Variants in GLIS1 observed in about 807,000 individuals in gnomAD.
GLIS1 encodes the protein zinc finger protein GLIS1.
Under a neutral mutation model 63.8 loss-of-function variants are expected in GLIS1, and 24 were observed. That is an observed-to-expected ratio of 0.38 (90% CI 0.27 to 0.53). The LOEUF (loss-of-function observed/expected upper bound fraction) is 0.53, where lower values mean the gene tolerates loss of function less well. GLIS1 is among the 20% of genes least tolerant of loss of function. The probability of loss-of-function intolerance (pLI) is 0.85; values close to 1 mark genes in which losing one functional copy is unlikely to be tolerated. For synonymous variants in GLIS1, 450 were observed against 482.5 expected (o/e 0.93, Z 0.88); for missense variants, 1,036 against 1,074.1 (o/e 0.96, Z 0.50).
intron 2 of GLIS1, among the ~76,000 whole-genome samples, chr1:53,711,416 A>C (rs1646645533): frequency 6.6e-6 from 1 of 152,228 alleles, no homozygotes; most frequent in South Asian, 2.1e-4. Flanking sequence ...GAAAAAAAGA[A>C]GGTAAAACTT....
chr1:53,668,266 C>T (rs1646115740), intron 2 of GLIS1, among the ~76,000 whole-genome samples: 1 of 152,220 alleles, frequency 6.6e-6, no homozygotes, highest in Non-Finnish European at 1.5e-5. Flanking sequence ...ACTCGTGCTC[C>T]ACATAGTAAC....
intron 2 of GLIS1, among the ~76,000 whole-genome samples, chr1:53,676,808 T>TC (rs142782693): frequency 0.054 from 8,225 of 152,138 alleles, 312 homozygotes; most frequent in African/African-American, 0.1. Context: ...GCTGTATCCC[T>TC]CCCCATCAGC....
intron 2 of GLIS1, among the ~76,000 whole-genome samples, chr1:53,601,657 G>A (rs1645319126): frequency 6.6e-6 from 1 of 152,270 alleles, no homozygotes; most frequent in Non-Finnish European, 1.5e-5. Flanking sequence ...GAGGCGTGGG[G>A]AGGTTCAATT....
chr1:53,601,442 A>G (rs1038604512), intron 2 of GLIS1, among the ~76,000 whole-genome samples: 6 of 152,094 alleles, frequency 3.9e-5, no homozygotes, highest in Non-Finnish European at 7.4e-5. Context: ...AGAAAGATAA[A>G]CCATTAAGAC....
intron 4 of GLIS1, among the ~76,000 whole-genome samples, chr1:53,585,409 T>G (rs1022253616): frequency 4.0e-5 from 6 of 151,370 alleles, no homozygotes; most frequent in African/African-American, 1.5e-4. Context: ...AAGGGCAGAG[T>G]AAGGGATTTG....
At chr1:53,554,701 A>G (rs1644799247) in intron 4 of GLIS1, among the ~76,000 whole-genome samples, 1 of 151,874 alleles carries the variant, frequency 6.6e-6, no homozygotes, top group Admixed American at 6.5e-5. Context: ...GGACAGCAAC[A>G]CAGGCCCCAC....
At chr1:53,718,718 C>A (rs935389963) in intron 2 of GLIS1, among the ~76,000 whole-genome samples, 3 of 152,148 alleles carry the variant, frequency 2.0e-5, no homozygotes, top group Non-Finnish European at 4.4e-5. Flanking sequence ...CCTAGAAAGT[C>A]TGTGGAAGTC....
chr1:53,682,566 G>A (rs1216281270), intron 2 of GLIS1, among the ~76,000 whole-genome samples: 2 of 152,290 alleles, frequency 1.3e-5, no homozygotes, highest in African/African-American at 4.8e-5. Flanking sequence ...CAAGTTGGCA[G>A]CACTTCGCTT....
intron 2 of GLIS1, among the ~76,000 whole-genome samples, chr1:53,667,217 C>G (rs186003097): frequency 6.6e-6 from 1 of 152,236 alleles, no homozygotes; most frequent in Non-Finnish European, 1.5e-5. Flanking sequence ...GGCACCTGCA[C>G]GCCCACAACG....
intron 2 of GLIS1, among the ~76,000 whole-genome samples, chr1:53,603,712 AC>A (rs1031841226): frequency 6.6e-6 from 1 of 152,164 alleles, no homozygotes; most frequent in African/African-American, 2.4e-5. Context: ...AGAGGTTGGC[AC>A]CCGCAACCAT....
At chr1:53,708,558 G>A (rs766226108) in intron 2 of GLIS1, among the ~76,000 whole-genome samples, 11 of 152,118 alleles carry the variant, frequency 7.2e-5, no homozygotes, top group Non-Finnish European at 1.0e-4. Flanking sequence ...TGGGACTGGG[G>A]CTGAGTGTGC....
chr1:53,708,227 G>A (rs548436121), intron 2 of GLIS1, among the ~76,000 whole-genome samples: 53 of 152,080 alleles, frequency 3.5e-4, no homozygotes, highest in African/African-American at 1.2e-3. Context: ...AGCTTGCAGT[G>A]AGCCGAGATC....
intron 2 of GLIS1, among the ~76,000 whole-genome samples, chr1:53,670,290 A>G (rs1646137430): frequency 6.6e-6 from 1 of 152,186 alleles, no homozygotes; most frequent in Non-Finnish European, 1.5e-5. Flanking sequence ...GCTGTGTGAG[A>G]TTTTTAAAAC....
At chr1:53,735,652 C>G (rs1280089837) in intron 2 of GLIS1, among the ~76,000 whole-genome samples, 2 of 152,160 alleles carry the variant, frequency 1.3e-5, no homozygotes, top group Admixed American at 1.3e-4. Flanking sequence ...CTCACAATTC[C>G]CAGCACAGTC....
chr1:53,508,384 C>T (rs1255644319), intron 10 of GLIS1, among the ~76,000 whole-genome samples: 10 of 152,242 alleles, frequency 6.6e-5, no homozygotes, highest in Admixed American at 6.5e-4. Context: ...TACCTCAAAG[C>T]TGCCCCAAGG....
intron 4 of GLIS1, among the ~76,000 whole-genome samples, chr1:53,585,782 G>C (rs61770294): frequency 0.012 from 1,809 of 152,338 alleles, 15 homozygotes; most frequent in Non-Finnish European, 0.019. Context: ...TGGAATGGGA[G>C]TCAGAGACTC....
At chr1:53,729,269 G>A (rs923565107) in intron 2 of GLIS1, among the ~76,000 whole-genome samples, 4 of 152,112 alleles carry the variant, frequency 2.6e-5, no homozygotes, top group African/African-American at 7.2e-5. Flanking sequence ...TCACCAAGCC[G>A]CTCGATCTGT....
chr1:53,590,561 G>A (rs1437390500), intron 4 of GLIS1, among the ~76,000 whole-genome samples: 15 of 152,240 alleles, frequency 9.9e-5, no homozygotes, highest in East Asian at 3.9e-4. Context: ...AATTCCGGCC[G>A]TCTGGGAGAA....
chr1:53,564,379 C>T (rs1006680546), intron 4 of GLIS1, among the ~76,000 whole-genome samples: 6 of 151,810 alleles, frequency 4.0e-5, no homozygotes, highest in African/African-American at 9.7e-5. Flanking sequence ...AAGACAATAA[C>T]GGCAACAACA....
Sources: gnomAD v4.1 joint callset for allele counts (sites outside exome capture counted in the v4.1 genomes callset) on GRCh38, gnomAD v4.1.1 for gene constraint, MANE v1.5 for transcripts, NCBI Gene and HGNC (gene_info 2026-07-23, HGNC 2026-07-21) for gene names.